ESRRG: variants seen among roughly 807,000 people sequenced by gnomAD.
ESRRG encodes the protein estrogen related receptor gamma, also known as estrogen-related receptor gamma.
ESRRG carries 13 observed loss-of-function variants against 44.0 expected under a neutral mutation model. That is an observed-to-expected ratio of 0.30 (90% CI 0.19 to 0.47). The LOEUF is 0.47. Ranked by LOEUF, ESRRG falls within the 20% of genes least tolerant of loss-of-function variation. ESRRG has a pLI of 1.00. For synonymous variants in ESRRG, 215 were observed against 214.6 expected, an observed-to-expected ratio of 1.00 and a Z score of -0.02; for missense variants, 395 against 580.6, an observed-to-expected ratio of 0.68 and a Z score of 3.29.
intron 1 of ESRRG, among the ~76,000 whole-genome samples, chr1:216,979,364 C>T (rs1369675418): frequency 1.3e-5 from 2 of 152,102 alleles, no homozygotes; most frequent in Non-Finnish European, 2.9e-5. Context: ...GCCACAATAC[C>T]GTATGCATTT....
chr1:216,620,380 G>A (rs867095283), intron 3 of ESRRG, among the ~76,000 whole-genome samples: 3 of 152,126 alleles, frequency 2.0e-5, no homozygotes, highest in Admixed American at 6.5e-5. Context: ...CACCACCACA[G>A]GACCAACTTG....
chr1:216,837,636 G>C (rs1296498238), intron 2 of ESRRG, among the ~76,000 whole-genome samples: 1 of 152,086 alleles, frequency 6.6e-6, no homozygotes, highest in Non-Finnish European at 1.5e-5. Context: ...GAGTGGGCTG[G>C]AGATGAGGAA....
At chr1:216,849,431 G>A (rs569193989) in intron 2 of ESRRG, among the ~76,000 whole-genome samples, 16 of 152,112 alleles carry the variant, frequency 1.1e-4, no homozygotes, top group African/African-American at 2.7e-4. Context: ...ATTATCTCTC[G>A]ACATTTAAAG....
chr1:217,064,653 A>G (rs546131385), intron 1 of ESRRG, among the ~76,000 whole-genome samples: 2 of 152,308 alleles, frequency 1.3e-5, no homozygotes, highest in African/African-American at 4.8e-5. Flanking sequence ...CAGGTACAAA[A>G]TATCAGAAGT....
At chr1:216,648,511 A>T (rs900361581) in intron 3 of ESRRG, among the ~76,000 whole-genome samples, 1 of 152,150 alleles carries the variant, frequency 6.6e-6, no homozygotes, top group Non-Finnish European at 1.5e-5. Context: ...TTTCACCAAC[A>T]ATGTTTAATT....
chr1:216,861,565 G>A (rs1382334906), intron 2 of ESRRG, among the ~76,000 whole-genome samples: 1 of 151,974 alleles, frequency 6.6e-6, no homozygotes, highest in Non-Finnish European at 1.5e-5. Flanking sequence ...GGATAAAAAA[G>A]CGAAATTCAA....
At chr1:216,751,166 T>C (rs1051197617) in intron 2 of ESRRG, among the ~76,000 whole-genome samples, 1 of 152,142 alleles carries the variant, frequency 6.6e-6, no homozygotes, top group African/African-American at 2.4e-5. Context: ...CTTAGTCTCC[T>C]TACACGCTTA....
intron 2 of ESRRG, among the ~76,000 whole-genome samples, chr1:216,762,568 G>A (rs986804902): frequency 9.9e-5 from 9 of 90,806 alleles, no homozygotes; most frequent in African/African-American, 3.8e-4. Context: ...GGTGGGGGGA[G>A]TGGGGAGGGA....
intron 2 of ESRRG, among the ~76,000 whole-genome samples, chr1:216,879,026 G>A (rs1370144): frequency 0.5 from 75,171 of 151,666 alleles, 21,364 homozygotes; most frequent in African/African-American, 0.79. Flanking sequence ...AGGTGAGCAT[G>A]GAGGCCAAAG....
intron 2 of ESRRG, among the ~76,000 whole-genome samples, chr1:216,814,232 A>T (rs2095064841): frequency 6.6e-6 from 1 of 152,188 alleles, no homozygotes; most frequent in South Asian, 2.1e-4. Flanking sequence ...TAGCAGCCTG[A>T]CTGCACTGTG....
intron 3 of ESRRG, among the ~76,000 whole-genome samples, chr1:216,618,379 A>G (rs2061707214): frequency 6.6e-6 from 1 of 152,220 alleles, no homozygotes; most frequent in Non-Finnish European, 1.5e-5. Flanking sequence ...CAGGGGTTCA[A>G]TCTATGAATA....
At chr1:216,981,628 G>A (rs2073990245) in intron 1 of ESRRG, among the ~76,000 whole-genome samples, 1 of 151,886 alleles carries the variant, frequency 6.6e-6, no homozygotes, top group South Asian at 2.1e-4. Context: ...TAATTTATTG[G>A]TTCAAATAGT....
intron 5 of ESRRG, among the ~76,000 whole-genome samples, chr1:216,549,327 A>AGAT (rs1354326350): frequency 1.3e-4 from 20 of 152,134 alleles, no homozygotes; most frequent in Admixed American, 6.6e-4. Context: ...AAAGAGAAAT[A>AGAT]GATAAGAGAA....
In ESRRG at chr1:217,002,179, G is replaced by C. The variant is rs192658042; in HGVS notation, c.-105-62506C>G. Among the ~76,000 whole-genome samples the C allele has an allele frequency of 3.8e-3, 577 of 151,778 alleles. 1 individual carries two copies. Among genetic ancestry groups the C allele is most frequent in the Middle Eastern group, 0.017 (5 of 294 alleles). On this transcript the variant is annotated intron_variant, in intron 1 of 7. Coordinates refer to the ESRRG transcript ENST00000359162. ...TAGCTGGGCATGGTGGTACATATCT[G>C]TAATTCCAGCTACCCTGGTGGCTGA...
chr1:216,649,122 TTA>T (rs1487575740), intron 3 of ESRRG, among the ~76,000 whole-genome samples: 1 of 152,136 alleles, frequency 6.6e-6, no homozygotes, highest in Non-Finnish European at 1.5e-5. Context: ...GTTGTCTTAA[TTA>T]TATGTTTTCC....
chr1:216,756,689 G>A (rs1177560233), intron 2 of ESRRG, among the ~76,000 whole-genome samples: 1 of 151,986 alleles, frequency 6.6e-6, no homozygotes, highest in African/African-American at 2.4e-5. Flanking sequence ...AAAGAGGCCA[G>A]TATTTACTTC....
At chr1:216,856,927 A>G (rs1156912929) in intron 2 of ESRRG, among the ~76,000 whole-genome samples, 1 of 152,188 alleles carries the variant, frequency 6.6e-6, no homozygotes, top group Non-Finnish European at 1.5e-5. Flanking sequence ...TTAAAAATAA[A>G]TTCCAGTTGA....
intron 1 of ESRRG, among the ~76,000 whole-genome samples, chr1:217,046,017 C>A (rs775458916): frequency 9.2e-5 from 14 of 151,834 alleles, no homozygotes; most frequent in Non-Finnish European, 1.5e-4. Flanking sequence ...ACAAGAGGAA[C>A]ACAATAAGAG....
intron 1 of ESRRG, among the ~76,000 whole-genome samples, chr1:217,112,430 G>A (rs183201763): frequency 6.6e-6 from 1 of 152,228 alleles, no homozygotes; most frequent in African/African-American, 2.4e-5. Context: ...TTTGGGTCCT[G>A]GAGAAAGGGC....
Sources: allele counts gnomAD v4.1 joint callset (sites outside exome capture counted in the v4.1 genomes callset), GRCh38; gene constraint gnomAD v4.1.1; transcripts MANE v1.5; gene names NCBI Gene and HGNC (gene_info 2026-07-23, HGNC 2026-07-21).